MTA3: variants seen among roughly 807,000 people sequenced by gnomAD.
The protein encoded by MTA3 is metastasis-associated protein MTA3.
Under a neutral mutation model 83.5 loss-of-function variants are expected in MTA3, and 34 were observed. That is an observed-to-expected ratio of 0.41 (90% CI 0.31 to 0.54). The LOEUF is 0.54. Among genes scored for constraint, MTA3 ranks in the 20% least tolerant of loss-of-function variants. MTA3 has a pLI of 0.33. For synonymous variants in MTA3, 303 were observed against 252.7 expected (o/e 1.20, Z -1.89); for missense variants, 761 against 726.4 (o/e 1.05, Z -0.55).
At chr2:42,565,511 G>A (rs1572992008), upstream of MTA3, among the ~76,000 whole-genome samples, 1 of 152,158 alleles carries the variant, frequency 6.6e-6, no homozygotes, top group East Asian at 1.9e-4. Flanking sequence ...CAACTAAATG[G>A]TAAAGAACTA....
At position 42,675,553 on chromosome 2, in the gene MTA3, A is replaced by C. The variant is rs111484653; in HGVS notation, c.703-6848A>C. On this transcript the variant is annotated intron_variant, in intron 8 of 16. Coordinates refer to ENST00000405094, the MANE Select transcript of MTA3 (RefSeq NM_001330442.2). ...CTGTGTATATATTCGTGTAACCACC[A>C]CTAGATGGTAAAGAACATTACCAGT... Among the ~76,000 whole-genome samples the C allele has an allele frequency of 5.3e-3, 808 of 152,310 alleles. 8 individuals carry two copies. The highest frequency in any genetic ancestry group is 0.018 in the African/African-American group (764 of 41,562).
chr2:42,654,591 A>T (rs569404720), intron 6 of MTA3, among the ~76,000 whole-genome samples: 12 of 152,196 alleles, frequency 7.9e-5, no homozygotes, highest in Admixed American at 7.8e-4. Context: ...ATTCAGCATT[A>T]TTGTCAGTCT....
At chr2:42,690,959 C>G (rs1025520509) in intron 9 of MTA3, among the ~76,000 whole-genome samples, 1 of 150,894 alleles carries the variant, frequency 6.6e-6, no homozygotes, top group Non-Finnish European at 1.5e-5. Flanking sequence ...TTACTGCAAC[C>G]TCCACCTCCC....
intron 3 of MTA3, among the ~76,000 whole-genome samples, chr2:42,597,712 G>C (rs1240256215): frequency 7.7e-6 from 1 of 129,918 alleles, no homozygotes; most frequent in Non-Finnish European, 1.6e-5. Flanking sequence ...ATGGGGTCTT[G>C]CTCTGTTGCC....
rs759002482 is a variant in MTA3 at position 42,704,353 on chromosome 2, G to T, written c.1150+35G>T. 10 of 1,611,630 alleles carry T rather than the reference G, an allele frequency of 6.2e-6. No individual in the cohort carries two copies. The Admixed American group carries it at 1.7e-4, about 27-fold the overall frequency. On this transcript the variant is annotated intron_variant, in intron 12 of 16. Transcript: ENST00000405094. ...CTCTAGCAGGTCAGTTAAGCATCGG[G>T]AACTGTTCTGGCTCATGGGGTGTGA...
chr2:42,499,970 AAAAG>A lies in MTA3; in HGVS notation c.-141+4718_-141+4721del, dbSNP rs766301875. On this transcript the variant is annotated intron_variant, in intron 2 of 17. Coordinates refer to the MTA3 transcript ENST00000405592. ...AAGTGTTTTCTTTTTTGAAAAAAAA[AAAAG>A]AGAGAGAGAGATGGCTGGGCATGGT... Among the ~76,000 whole-genome samples the A allele has an allele frequency of 9.2e-5, 14 of 151,638 alleles. No homozygotes were observed. In the East Asian group the frequency reaches 1.6e-3, roughly 17 times the overall value.
chr2:42,533,083 CTTTTTTTTTTTTT>C (rs1165012015), intron 2 of MTA3: 1 of 116,850 alleles, frequency 8.6e-6, no homozygotes, highest in East Asian at 2.4e-4. Flanking sequence ...GTGGGGCATT[CTTTTTTTTTTTTT>C]TTTTTTTTGA....
intron 8 of MTA3, among the ~76,000 whole-genome samples, chr2:42,665,138 G>A (rs965367710): frequency 1.2e-4 from 18 of 152,170 alleles, no homozygotes; most frequent in African/African-American, 4.3e-4. Context: ...TGTGGCTCAC[G>A]CCTGTAATCC....
At chr2:42,582,489 C>T (rs1349164971) in intron 3 of MTA3, among the ~76,000 whole-genome samples, 1 of 152,094 alleles carries the variant, frequency 6.6e-6, no homozygotes, top group African/African-American at 2.4e-5. Flanking sequence ...GTATGTCATT[C>T]TAAAAAGCAA....
At chr2:42,648,072 C>G (rs2104331273) in intron 6 of MTA3, among the ~76,000 whole-genome samples, 1 of 152,296 alleles carries the variant, frequency 6.6e-6, no homozygotes, top group African/African-American at 2.4e-5. Context: ...AACTCCTGAC[C>G]TCAGGTGATC....
chr2:42,607,332 G>A (rs548583897), intron 3 of MTA3, among the ~76,000 whole-genome samples: 26 of 152,266 alleles, frequency 1.7e-4, no homozygotes, highest in African/African-American at 5.5e-4. Flanking sequence ...CTGGAGATTG[G>A]TGAGAGTCTC....
At chr2:42,599,810 G>A (rs899311640) in intron 3 of MTA3, among the ~76,000 whole-genome samples, 1 of 152,086 alleles carries the variant, frequency 6.6e-6, no homozygotes, top group African/African-American at 2.4e-5. Flanking sequence ...GTAGCTTAAG[G>A]AGTTTCATTT....
chr2:42,574,230 G>A (rs1198768972), intron 2 of MTA3, among the ~76,000 whole-genome samples: 1 of 150,464 alleles, frequency 6.6e-6, no homozygotes, highest in African/African-American at 2.5e-5. Flanking sequence ...TGCCTCCTGG[G>A]TTCAAGCGAT....
chr2:42,498,513 AGGC>A (rs1312407308), intron 2 of MTA3, among the ~76,000 whole-genome samples: 3 of 152,228 alleles, frequency 2.0e-5, no homozygotes, highest in Non-Finnish European at 4.4e-5. Context: ...CATAGTCAGC[AGGC>A]TTGGGGGAAA....
rs537862743 is a variant in MTA3 at position 42,520,018 on chromosome 2, G to C, written c.-141+24764G>C. Among the ~76,000 whole-genome samples, 3 of 152,254 alleles carry C rather than the reference G, an allele frequency of 2.0e-5. No individual in the cohort carries two copies. In the East Asian group the frequency reaches 5.8e-4, roughly 29 times the overall value. On this transcript the variant is annotated intron_variant, in intron 2 of 17. Coordinates refer to the MTA3 transcript ENST00000405592. ...GATCACGCTGCTGTACTCCAGCCTG[G>C]GTGATAAGAGCCAGACCTTGTCTCA...
intron 16 of MTA3, among the ~76,000 whole-genome samples, chr2:42,749,094 G>T (rs573723322): frequency 1.3e-5 from 2 of 152,318 alleles, no homozygotes; most frequent in East Asian, 3.9e-4. Flanking sequence ...GGGCTCCTGG[G>T]AATCTCACCC....
intron 2 of MTA3, among the ~76,000 whole-genome samples, chr2:42,557,711 G>C (rs184608647): frequency 1.2e-3 from 190 of 152,258 alleles, no homozygotes; most frequent in Non-Finnish European, 2.3e-3. Context: ...TTTAGCTTGA[G>C]CTCTCCAACA....
At chr2:42,685,784 T>C (rs1047555013) in intron 9 of MTA3, among the ~76,000 whole-genome samples, 2 of 152,156 alleles carry the variant, frequency 1.3e-5, no homozygotes, top group African/African-American at 4.8e-5. Context: ...AATGTCAGAG[T>C]GTTAACTGCT....
chr2:42,557,870 G>A (rs1362446947), intron 2 of MTA3, among the ~76,000 whole-genome samples: 10 of 152,152 alleles, frequency 6.6e-5, no homozygotes, highest in African/African-American at 2.2e-4. Flanking sequence ...GGCAGGGGAT[G>A]TGGGGGGTTC....
Sources: gnomAD v4.1 joint callset for allele counts (sites outside exome capture counted in the v4.1 genomes callset) on GRCh38, gnomAD v4.1.1 for gene constraint, MANE v1.5 for transcripts, NCBI Gene and HGNC (gene_info 2026-07-23, HGNC 2026-07-21) for gene names.